Variants in HMCN1 observed in about 807,000 individuals in gnomAD.
The protein encoded by HMCN1 is hemicentin-1.
HMCN1 carries 321 observed loss-of-function variants against 625.9 expected under a neutral mutation model. The observed-to-expected ratio is 0.51, with a 90% CI of 0.47 to 0.56. HMCN1 has a LOEUF of 0.56. Among genes scored for constraint, HMCN1 ranks in the 20% least tolerant of loss-of-function variants. The probability of loss-of-function intolerance (pLI) is 0.00; values close to 1 mark genes in which losing one functional copy is unlikely to be tolerated. For missense variants in HMCN1, 6,588 were observed against 6,887.3 expected (o/e 0.96, Z 1.54); for synonymous variants, 2,425 against 2,417.6 (o/e 1.00, Z -0.09).
intron 15 of HMCN1, among the ~76,000 whole-genome samples, chr1:185,973,675 T>C (rs186558409): frequency 6.6e-6 from 1 of 152,190 alleles, no homozygotes; most frequent in African/African-American, 2.4e-5. Context: ...TTACTTATTA[T>C]CATGGTTTTA....
At chr1:186,156,710 T>C (rs1651048902) in intron 97 of HMCN1, among the ~76,000 whole-genome samples, 2 of 152,186 alleles carry the variant, frequency 1.3e-5, no homozygotes, top group Admixed American at 6.5e-5. Flanking sequence ...TCCACTGTTA[T>C]TTATAATAGA....
intron 101 of HMCN1, among the ~76,000 whole-genome samples, chr1:186,171,775 A>G (rs11582026): frequency 0.37 from 55,967 of 151,862 alleles, 10,813 homozygotes; most frequent in African/African-American, 0.46. Context: ...GGAGAAAATG[A>G]TTGGTATGGC....
intron 36 of HMCN1, among the ~76,000 whole-genome samples, chr1:186,031,406 A>G (rs372688226): frequency 1.3e-5 from 2 of 151,742 alleles, no homozygotes; most frequent in East Asian, 3.9e-4. Context: ...GGATCTTTGT[A>G]CATAAGTCAC....
intron 46 of HMCN1, among the ~76,000 whole-genome samples, chr1:186,059,419 A>C (rs1365133309): frequency 6.6e-6 from 1 of 152,050 alleles, no homozygotes; most frequent in Non-Finnish European, 1.5e-5. Flanking sequence ...GGCAAGCTAA[A>C]GTGATGTGCT....
chr1:186,051,330 A>C (rs1213907972), intron 42 of HMCN1, among the ~76,000 whole-genome samples: 1 of 152,056 alleles, frequency 6.6e-6, no homozygotes, highest in Non-Finnish European at 1.5e-5. Flanking sequence ...AAGAAGGGTA[A>C]AGGAGGGATG....
intron 1 of HMCN1, among the ~76,000 whole-genome samples, chr1:185,816,395 A>C (rs1306733160): frequency 6.6e-6 from 1 of 152,218 alleles, no homozygotes; most frequent in Non-Finnish European, 1.5e-5. Context: ...AGAATTCCAT[A>C]ACCATAGCTT....
At chr1:185,856,314 C>T (rs574612707) in intron 2 of HMCN1, among the ~76,000 whole-genome samples, 17 of 151,996 alleles carry the variant, frequency 1.1e-4, no homozygotes, top group South Asian at 2.1e-4. Flanking sequence ...CCTGGTGAAA[C>T]GCTGTCTCTA....
At chr1:185,922,644 C>A in intron 7 of HMCN1, 145 bp downstream of exon 7, 2 of 760,542 alleles carry the variant, frequency 2.6e-6, no homozygotes, top group Non-Finnish European at 4.3e-6. Flanking sequence ...TTGGCCTAAT[C>A]ACTTTCTCAA....
chr1:185,949,063 G>T (rs1668503988), intron 11 of HMCN1, among the ~76,000 whole-genome samples: 5 of 151,970 alleles, frequency 3.3e-5, no homozygotes, highest in Non-Finnish European at 7.4e-5. Flanking sequence ...GAATTGGGAT[G>T]ACACAGGATA....
chr1:185,928,444 C>G, intron 9 of HMCN1, 102 bp from the exon 10 acceptor site: 1 of 962,844 alleles, frequency 1.0e-6, no homozygotes, highest in Admixed American at 1.8e-5. Context: ...ATTTTCTTTA[C>G]ATTGTTCTTT....
rs1406363098 is a variant in HMCN1 at position 186,016,091 on chromosome 1, T to C, written c.5043T>C (p.Pro1681=). ...PILTWLKDGV[P]VKANDNIRIE... is the part of the protein sequence containing the mutation. The stretch of plus-strand genomic sequence containing the variant: ...TCACCTGGTTGAAAGATGGTGTACC[T>C]GTGAAAGCTAATGACAATATCCGCA... Residue 1681 remains proline (P), a synonymous_variant, in exon 32 of 107, where the codon CCT becomes CCC. Transcript: ENST00000271588. 1 of 1,613,554 alleles carries C rather than the reference T, an allele frequency of 6.2e-7. No homozygotes were observed.
intron 1 of HMCN1, among the ~76,000 whole-genome samples, chr1:185,793,950 C>T (rs1024807369): frequency 1.3e-5 from 2 of 152,124 alleles, no homozygotes; most frequent in Admixed American, 1.3e-4. Context: ...AAAGTTGAGG[C>T]ATTAACTGGA....
intron 30 of HMCN1, among the ~76,000 whole-genome samples, chr1:186,011,427 T>C (rs1414672767): frequency 6.6e-6 from 1 of 152,226 alleles, no homozygotes; most frequent in East Asian, 1.9e-4. Context: ...AGTACTGATA[T>C]CATTTCACAG....
chr1:185,897,155 T>A (rs1271432708), intron 4 of HMCN1, among the ~76,000 whole-genome samples: 1 of 152,194 alleles, frequency 6.6e-6, no homozygotes, highest in Admixed American at 6.5e-5. Context: ...ATCTTTGGAA[T>A]CTATTTTCTC....
intron 4 of HMCN1, among the ~76,000 whole-genome samples, chr1:185,875,638 G>T (rs963944295): frequency 1.3e-5 from 2 of 151,786 alleles, no homozygotes; most frequent in Non-Finnish European, 2.9e-5. Flanking sequence ...AAATCCTCTT[G>T]CCCTGAGCAT....
Position 186,039,765 on chromosome 1 carries a change from A to C in HMCN1, c.6066A>C (p.Ala2022=). 1 of 1,613,592 alleles carries C rather than the reference A, an allele frequency of 6.2e-7. No individual in the cohort carries two copies. The highest frequency in any genetic ancestry group is 2.2e-5 in the East Asian group (1 of 44,838). ...TTTCTGGCAGCAATAACATGGTGGC[A>C]GTGGTGGTTAATAACCCGGTGAGGT... The part of the protein sequence containing the change: ...PSISGSNNMV[A]VVVNNPVRLE... Residue 2022 remains alanine, a synonymous_variant, in exon 39 of 107, where the codon GCA becomes GCC. Coordinates refer to ENST00000271588, the MANE Select transcript of HMCN1 (RefSeq NM_031935.3).
In HMCN1 at chr1:186,103,633, G is replaced by A; in HGVS notation, c.10735G>A (p.Gly3579Arg). 1 of 1,613,736 alleles carries A rather than the reference G, an allele frequency of 6.2e-7. No homozygotes were observed. Among genetic ancestry groups the A allele is most frequent in the Non-Finnish European group, 8.5e-7 (1 of 1,179,740 alleles). Reference protein sequence around the residue: ...LPQTDQVQTLGGGEVLRISTA... With the variant: ...LPQTDQVQTLRGGEVLRISTA... The stretch of plus-strand genomic sequence containing the variant: ...ACAGACGGATCAAGTGCAAACTCTA[G>A]GAGGAGGAGAGGTTCTTCGAATTTC... Residue 3579 changes from glycine (G) to arginine (R), a missense_variant, in exon 69 of 107, where the codon GGA becomes AGA. Gly to Arg is a moderately radical substitution (Grantham distance 125). Transcript: ENST00000271588.
At chr1:186,064,206 A>G (rs1457875107) in intron 48 of HMCN1, among the ~76,000 whole-genome samples, 2 of 152,130 alleles carry the variant, frequency 1.3e-5, no homozygotes, top group South Asian at 2.1e-4. Flanking sequence ...TCAAGCTAGT[A>G]TATCATCCTA....
chr1:186,160,134 C>A (rs1237123527), intron 97 of HMCN1, among the ~76,000 whole-genome samples: 2 of 151,596 alleles, frequency 1.3e-5, no homozygotes, highest in Non-Finnish European at 2.9e-5. Flanking sequence ...CAACTTCTTC[C>A]TGGTTTAGTC....
Sources: gnomAD v4.1 joint callset for allele counts (sites outside exome capture counted in the v4.1 genomes callset) on GRCh38, gnomAD v4.1.1 for gene constraint, MANE v1.5 for transcripts, NCBI Gene and HGNC (gene_info 2026-07-23, HGNC 2026-07-21) for gene names.